NDUFA5: variants seen among roughly 807,000 people sequenced by gnomAD.
NDUFA5 encodes NADH dehydrogenase [ubiquinone] 1 alpha subcomplex subunit 5.
A neutral mutation model predicts 19.8 loss-of-function variants in NDUFA5; 11 were observed. The ratio of observed to expected loss-of-function variants is 0.56; its 90% confidence interval spans 0.35 to 0.92. NDUFA5 has a LOEUF of 0.92. Among genes scored for constraint, NDUFA5 ranks in the 40% least tolerant of loss-of-function variants. The pLI is 0.01. For missense variants in NDUFA5, 109 were observed against 134.2 expected, an observed-to-expected ratio of 0.81 and a Z score of 0.93; for synonymous variants, 47 against 46.8, an observed-to-expected ratio of 1.00 and a Z score of -0.01.
At chr7:123,595,802 C>G in the NDUFA5 span, among the ~76,000 whole-genome samples, 1 of 152,146 alleles carries the variant, frequency 6.6e-6, no homozygotes, top group African/African-American at 2.4e-5. Flanking sequence ...CCCAAAGCCC[C>G]CTTGAAAGTA....
the NDUFA5 span, among the ~76,000 whole-genome samples, chr7:123,565,330 G>A: frequency 6.6e-6 from 1 of 151,110 alleles, no homozygotes; most frequent in Non-Finnish European, 1.5e-5. Flanking sequence ...TTTTCTCTAA[G>A]CATCCTCAGA....
intron 3 of NDUFA5, chr7:123,550,040 G>T: frequency 6.5e-6 from 1 of 154,420 alleles, no homozygotes; most frequent in Non-Finnish European, 1.4e-5. Context: ...CAGCAGTCTA[G>T]ACTTTTATTA....
At chr7:123,547,502 C>A (rs1366713972) in intron 3 of NDUFA5, among the ~76,000 whole-genome samples, 1 of 151,908 alleles carries the variant, frequency 6.6e-6, no homozygotes, top group African/African-American at 2.4e-5. Flanking sequence ...TGCCTAGAAC[C>A]ATACATGGCA....
At chr7:123,557,198 T>C (rs1798587956) in intron 2 of NDUFA5, 2 of 756,732 alleles carry the variant, frequency 2.6e-6, no homozygotes, top group African/African-American at 3.4e-5. Flanking sequence ...GAAAACTGGC[T>C]TAATAAAGAG....
At chr7:123,586,538 G>C in the NDUFA5 span, among the ~76,000 whole-genome samples, 1 of 151,568 alleles carries the variant, frequency 6.6e-6, no homozygotes, top group Non-Finnish European at 1.5e-5. Context: ...CCTTTGCTGT[G>C]CAGAAACTTT....
At chr7:123,593,358 T>C in the NDUFA5 span, among the ~76,000 whole-genome samples, 1 of 152,178 alleles carries the variant, frequency 6.6e-6, no homozygotes, top group African/African-American at 2.4e-5. Context: ...TGCAGTTTCT[T>C]CACAGCCTCG....
chr7:123,557,210 T>G lies in NDUFA5; in HGVS notation c.66+194A>C, dbSNP rs771287574. ...CAAGAAAACTGGCTTAATAAAGAGG[T>G]CATGGCAAAAATAAATAAAAATGTG... On this transcript the variant is annotated intron_variant, in intron 2 of 4. Transcript: ENST00000355749. 3.7e-6 allele frequency: 3 copies of G among 801,362 alleles called. No individual in the cohort carries two copies. The Middle Eastern group carries it at 6.6e-4, about 176-fold the overall frequency. 49.6% of individuals were successfully genotyped at this position (801,362 alleles called of 1,614,324 possible).
the NDUFA5 span, among the ~76,000 whole-genome samples, chr7:123,586,754 A>C: frequency 6.6e-6 from 1 of 151,492 alleles, no homozygotes; most frequent in Admixed American, 6.6e-5. Context: ...ATAAGGGTTA[A>C]TTTCATATAT....
At chr7:123,545,513 T>C in intron 4 of NDUFA5, 98 bp downstream of exon 4, 1 of 907,720 alleles carries the variant, frequency 1.1e-6, no homozygotes. Context: ...ATTTGACGAG[T>C]TGATATAAAC....
rs1262900044 is a variant in NDUFA5 at position 123,540,119 on chromosome 7, C to G, written c.*2000G>C. 6.6e-6 allele frequency: 1 copy of G among 152,088 alleles called. No homozygotes were observed. The highest frequency in any genetic ancestry group is 1.5e-5 in the Non-Finnish European group (1 of 68,016). 9.4% of individuals were successfully genotyped at this position (152,088 alleles called of 1,614,324 possible). A position where few individuals can be genotyped will look rare whatever the true frequency, so the allele number is the denominator to read the frequency against. Reference sequence around the variant, plus strand: ...AGGGGAAAACTACTCACGTAGGGTTCTGGTTTCTTATCTGGAAAATGAAGA... The same window carrying G: ...AGGGGAAAACTACTCACGTAGGGTTGTGGTTTCTTATCTGGAAAATGAAGA... On this transcript the variant is annotated 3_prime_UTR_variant, in exon 5 of 5. Transcript: ENST00000355749.
chr7:123,550,427 G>A, intron 3 of NDUFA5, 43 bp downstream of exon 3: 1 of 1,361,084 alleles, frequency 7.3e-7, no homozygotes, highest in Non-Finnish European at 1.0e-6. Context: ...AACTTTTTTG[G>A]TTAAATGTTA....
chr7:123,558,939 A>C (rs1027853949), upstream of NDUFA5, among the ~76,000 whole-genome samples: 4 of 152,152 alleles, frequency 2.6e-5, no homozygotes, highest in African/African-American at 9.7e-5. Context: ...GAAAAAATGA[A>C]AGCTAAACCA....
At chr7:123,546,850 A>G (rs1798151420) in intron 3 of NDUFA5, 1 of 492,424 alleles carries the variant, frequency 2.0e-6, no homozygotes, top group Admixed American at 2.4e-5. Context: ...TACATGTATT[A>G]ATTTCTAGAA....
the NDUFA5 span, among the ~76,000 whole-genome samples, chr7:123,565,741 C>G: frequency 6.6e-6 from 1 of 151,638 alleles, no homozygotes; most frequent in Non-Finnish European, 1.5e-5. Flanking sequence ...GTTAGCCGGG[C>G]GCAGTGGCTC....
the NDUFA5 span, among the ~76,000 whole-genome samples, chr7:123,597,660 C>T: frequency 3.1e-4 from 47 of 151,908 alleles, no homozygotes; most frequent in East Asian, 4.7e-3. Context: ...GGTGAAACCC[C>T]GTATCTACTA....
intron 2 of NDUFA5, among the ~76,000 whole-genome samples, chr7:123,554,486 A>T (rs1267982241): frequency 1.5e-5 from 2 of 135,952 alleles, no homozygotes; most frequent in African/African-American, 5.4e-5. Flanking sequence ...TTCCAGAAAT[A>T]AACAATTTAT....
In NDUFA5 at chr7:123,539,209, C is replaced by T. The variant is rs1797849447; in HGVS notation, c.*2910G>A. 1 of 152,110 alleles carries T rather than the reference C, an allele frequency of 6.6e-6. No homozygotes were observed. Among genetic ancestry groups the T allele is most frequent in the African/African-American group, 2.4e-5 (1 of 41,406 alleles). 9.4% of individuals were successfully genotyped at this position (152,110 alleles called of 1,614,324 possible). A position where few individuals can be genotyped will look rare whatever the true frequency, so the allele number is the denominator to read the frequency against. ...CCTGAGCCTTACTCCAGTAGGGTGC[C>T]CCCCTATATCTTGTTTGCCCAGGAC... On this transcript the variant is annotated 3_prime_UTR_variant, in exon 5 of 5. Coordinates refer to ENST00000355749, the MANE Select transcript of NDUFA5 (RefSeq NM_005000.5).
chr7:123,568,706 A>T, the NDUFA5 span, among the ~76,000 whole-genome samples: 1 of 152,158 alleles, frequency 6.6e-6, no homozygotes, highest in African/African-American at 2.4e-5. Context: ...CTAAGGAGAT[A>T]AAAACTATTT....
chr7:123,542,320 A>G, intron 4 of NDUFA5, 100 bp from the exon 5 acceptor site: 1 of 761,126 alleles, frequency 1.3e-6, no homozygotes, highest in Non-Finnish European at 2.1e-6. Flanking sequence ...CTTTCATTTA[A>G]TATCTCATAA....
Sources: allele counts gnomAD v4.1 joint callset (sites outside exome capture counted in the v4.1 genomes callset), GRCh38; gene constraint gnomAD v4.1.1; transcripts MANE v1.5; gene names NCBI Gene and HGNC (gene_info 2026-07-23, HGNC 2026-07-21).